Variants in OXR1 observed in about 807,000 individuals in gnomAD.
OXR1 encodes the protein oxidation resistance protein 1.
A neutral mutation model predicts 104.6 loss-of-function variants in OXR1; 41 were observed. That is an observed-to-expected ratio of 0.39 (90% CI 0.31 to 0.51). The LOEUF (loss-of-function observed/expected upper bound fraction) is 0.51, where lower values mean the gene tolerates loss of function less well. OXR1 is among the 20% of genes least tolerant of loss of function. The pLI is 0.77. For synonymous variants in OXR1, 348 were observed against 348.4 expected (o/e 1.00, Z 0.01); for missense variants, 955 against 1,031.9 (o/e 0.93, Z 1.02).
intron 3 of OXR1, among the ~76,000 whole-genome samples, chr8:106,534,004 C>T (rs189437087): frequency 1.7e-4 from 26 of 152,240 alleles, no homozygotes; most frequent in African/African-American, 3.6e-4. Flanking sequence ...TGAACCACCA[C>T]GCGCAGCCAG....
intron 8 of OXR1, among the ~76,000 whole-genome samples, chr8:106,705,590 C>A (rs1416297268): frequency 1.3e-5 from 2 of 152,102 alleles, no homozygotes; most frequent in Non-Finnish European, 2.9e-5. Flanking sequence ...ATATAATTTT[C>A]ATTTATCACA....
chr8:106,350,328 T>C (rs1260826285), intron 1 of OXR1, among the ~76,000 whole-genome samples: 5 of 152,190 alleles, frequency 3.3e-5, no homozygotes, highest in African/African-American at 9.7e-5. Context: ...TTTAGGGTGA[T>C]CTTTGTTTGA....
At chr8:106,578,765 C>G (rs951111773) in intron 3 of OXR1, among the ~76,000 whole-genome samples, 5 of 152,214 alleles carry the variant, frequency 3.3e-5, no homozygotes, top group Non-Finnish European at 7.4e-5. Context: ...GTTCTAGACT[C>G]TGGGCACTAA....
At chr8:106,484,768 T>TAAAAAC (rs1408914910) in intron 2 of OXR1, among the ~76,000 whole-genome samples, 2 of 151,664 alleles carry the variant, frequency 1.3e-5, no homozygotes, top group Non-Finnish European at 2.9e-5. Flanking sequence ...GGTGTTTTTT[T>TAAAAAC]AAAAACAAAA....
intron 3 of OXR1, among the ~76,000 whole-genome samples, chr8:106,651,705 A>G (rs1002516940): frequency 2.6e-5 from 4 of 151,820 alleles, no homozygotes; most frequent in African/African-American, 9.7e-5. Context: ...GAGTCCCCCA[A>G]CTCTGTTTTT....
chr8:106,559,205 CA>C (rs1453982768), intron 3 of OXR1, among the ~76,000 whole-genome samples: 3 of 152,152 alleles, frequency 2.0e-5, no homozygotes, highest in African/African-American at 7.2e-5. Context: ...CACTTTATAA[CA>C]AGGATGGACT....
At chr8:106,609,159 A>G (rs1027305245) in intron 3 of OXR1, among the ~76,000 whole-genome samples, 2 of 152,182 alleles carry the variant, frequency 1.3e-5, no homozygotes, top group Admixed American at 6.6e-5. Flanking sequence ...CTGTAATCCC[A>G]GCACTTTGAG....
chr8:106,329,147 A>G (rs2130214836), intron 1 of OXR1, among the ~76,000 whole-genome samples: 1 of 151,824 alleles, frequency 6.6e-6, no homozygotes, highest in Admixed American at 6.6e-5. Flanking sequence ...GTGTACCACC[A>G]CGCCTGGCTA....
intron 3 of OXR1, among the ~76,000 whole-genome samples, chr8:106,665,420 A>G (rs1413926773): frequency 6.6e-6 from 1 of 152,228 alleles, no homozygotes; most frequent in African/African-American, 2.4e-5. Context: ...CAATGATAAC[A>G]AAACGATGTT....
intron 1 of OXR1, among the ~76,000 whole-genome samples, chr8:106,314,779 ATAAT>A (rs1352615913): frequency 6.6e-6 from 1 of 152,202 alleles, no homozygotes; most frequent in African/African-American, 2.4e-5. Context: ...GCAATTAATA[ATAAT>A]TGTTTAGCCT....
chr8:106,704,140 C>T (rs1830873760), intron 8 of OXR1, among the ~76,000 whole-genome samples: 3 of 151,958 alleles, frequency 2.0e-5, no homozygotes, highest in South Asian at 4.1e-4. Flanking sequence ...ATCTTTAGAG[C>T]TGCAGATAAT....
intron 1 of OXR1, among the ~76,000 whole-genome samples, chr8:106,341,357 T>C (rs1815238979): frequency 1.3e-5 from 2 of 150,310 alleles, no homozygotes; most frequent in Middle Eastern, 6.9e-3. Context: ...TACTTACATA[T>C]TGATTTCCTC....
At chr8:106,405,320 A>G (rs1251199498) in intron 2 of OXR1, among the ~76,000 whole-genome samples, 1 of 151,192 alleles carries the variant, frequency 6.6e-6, no homozygotes, top group Non-Finnish European at 1.5e-5. Context: ...AGCTGGTGGC[A>G]TAGTTCAAAG....
chr8:106,316,100 G>A (rs1419048627), intron 1 of OXR1, among the ~76,000 whole-genome samples: 1 of 152,164 alleles, frequency 6.6e-6, no homozygotes, highest in Non-Finnish European at 1.5e-5. Flanking sequence ...CATTCATGAT[G>A]TGCATTCACT....
At chr8:106,415,450 A>G (rs1326647916) in intron 2 of OXR1, among the ~76,000 whole-genome samples, 2 of 152,124 alleles carry the variant, frequency 1.3e-5, no homozygotes, top group Non-Finnish European at 2.9e-5. Flanking sequence ...AGTAAGCTAC[A>G]TAAAAACATA....
intron 1 of OXR1, among the ~76,000 whole-genome samples, chr8:106,321,882 T>C (rs930889374): frequency 1.3e-5 from 2 of 152,220 alleles, no homozygotes; most frequent in Non-Finnish European, 2.9e-5. Flanking sequence ...CCTAGTTTAC[T>C]AGTTGAAAGA....
At chr8:106,573,450 A>G (rs1218462288) in intron 3 of OXR1, among the ~76,000 whole-genome samples, 7 of 152,192 alleles carry the variant, frequency 4.6e-5, no homozygotes, top group African/African-American at 1.7e-4. Context: ...GTGAAATGCC[A>G]AAAGCAGAGA....
chr8:106,368,520 T>G (rs1217317732), intron 2 of OXR1, among the ~76,000 whole-genome samples: 1 of 152,042 alleles, frequency 6.6e-6, no homozygotes, highest in Non-Finnish European at 1.5e-5. Flanking sequence ...TTGCTGCACC[T>G]ATTGACTTGT....
intron 8 of OXR1, 58 bp downstream of exon 8, chr8:106,703,148 G>A: frequency 9.1e-7 from 1 of 1,103,616 alleles, no homozygotes; most frequent in Non-Finnish European, 1.3e-6. Flanking sequence ...GTTGACCCTT[G>A]TCTAATACCT....
Sources: gnomAD v4.1 joint callset for allele counts (sites outside exome capture counted in the v4.1 genomes callset) on GRCh38, gnomAD v4.1.1 for gene constraint, MANE v1.5 for transcripts, NCBI Gene and HGNC (gene_info 2026-07-23, HGNC 2026-07-21) for gene names.